Variants in MANEA observed in about 807,000 individuals in gnomAD.
The protein encoded by MANEA is mannosidase endo-alpha.
A neutral mutation model predicts 36.8 loss-of-function variants in MANEA; 25 were observed. The observed-to-expected ratio is 0.68, with a 90% CI of 0.50 to 0.95. The LOEUF (loss-of-function observed/expected upper bound fraction) is 0.95, where lower values mean the gene tolerates loss of function less well. MANEA is among the 40% of genes least tolerant of loss of function. The pLI is 0.00. For missense variants in MANEA, 565 were observed against 558.8 expected, an observed-to-expected ratio of 1.01 and a Z score of -0.11; for synonymous variants, 198 against 188.5, an observed-to-expected ratio of 1.05 and a Z score of -0.41.
intron 3 of MANEA, among the ~76,000 whole-genome samples, chr6:95,597,115 A>G (rs1769496556): frequency 6.6e-6 from 1 of 152,014 alleles, no homozygotes; most frequent in Admixed American, 6.6e-5. Context: ...TATAGTAGTG[A>G]AGATTTATAT....
At chr6:95,592,717 T>C (rs1317370277) in intron 2 of MANEA, among the ~76,000 whole-genome samples, 1 of 152,178 alleles carries the variant, frequency 6.6e-6, no homozygotes, top group Non-Finnish European at 1.5e-5. Flanking sequence ...TTTTTAGGTG[T>C]TTTACTCTGC....
At position 95,608,657 on chromosome 6, in the gene MANEA, T is replaced by C. The variant is rs1445937545; in HGVS notation, c.*2252T>C. ...TATTAATATAGTTTTTTTCTCCCTT[T>C]TTAATAAAATAATTACAGTCATCCC... On this transcript the variant is annotated 3_prime_UTR_variant, in exon 5 of 5. Transcript: ENST00000358812. 1 of 151,824 alleles carries C rather than the reference T, an allele frequency of 6.6e-6. No homozygotes were observed. The highest frequency in any genetic ancestry group is 6.6e-5 in the Admixed American group (1 of 15,236). 9.4% of individuals were successfully genotyped at this position (151,824 alleles called of 1,614,324 possible). A position where few individuals can be genotyped will look rare whatever the true frequency, so the allele number is the denominator to read the frequency against.
chr6:95,607,876 ACATC>A lies in MANEA; in HGVS notation c.*1475_*1478del, dbSNP rs1261002418. 1.3e-5 allele frequency: 2 copies of A among 151,882 alleles called. No homozygotes were observed. The highest frequency in any genetic ancestry group is 3.9e-4 in the East Asian group (2 of 5,178). 9.4% of individuals were successfully genotyped at this position (151,882 alleles called of 1,614,324 possible). A position where few individuals can be genotyped will look rare whatever the true frequency, so the allele number is the denominator to read the frequency against. On this transcript the variant is annotated 3_prime_UTR_variant, in exon 5 of 5. Coordinates refer to ENST00000358812, the MANE Select transcript of MANEA (RefSeq NM_024641.4). ...GCCTATAAATCTTCAGAGTATAAAGACATCCATTCAGAAACAAAAATTAGCACTA... is the reference window on the plus strand; with the variant it reads ...GCCTATAAATCTTCAGAGTATAAAGACATTCAGAAACAAAAATTAGCACTA...
intron 3 of MANEA, among the ~76,000 whole-genome samples, chr6:95,598,036 A>G (rs1769512585): frequency 8.4e-6 from 1 of 119,526 alleles, no homozygotes; most frequent in Non-Finnish European, 1.8e-5. Context: ...ATAGGAAAAT[A>G]CTAAAATTAA....
chr6:95,594,149 A>AG (rs1393635105), intron 2 of MANEA, among the ~76,000 whole-genome samples: 2 of 152,046 alleles, frequency 1.3e-5, no homozygotes, highest in Non-Finnish European at 2.9e-5. Flanking sequence ...GAAAAATGTG[A>AG]GGGAAAAAAC....
chr6:95,582,099 G>A (rs1769193679), intron 1 of MANEA, among the ~76,000 whole-genome samples: 1 of 87,454 alleles, frequency 1.1e-5, no homozygotes, highest in Non-Finnish European at 2.3e-5. Context: ...AAAGGGAAAT[G>A]TTTGTTGTGA....
At chr6:95,589,551 A>G (rs568713750) in intron 2 of MANEA, among the ~76,000 whole-genome samples, 1 of 152,146 alleles carries the variant, frequency 6.6e-6, no homozygotes, top group African/African-American at 2.4e-5. Context: ...TTATGTTTAA[A>G]ATCCAATTAT....
intron 2 of MANEA, among the ~76,000 whole-genome samples, chr6:95,594,692 C>T (rs1769453232): frequency 6.6e-6 from 1 of 152,252 alleles, no homozygotes; most frequent in Non-Finnish European, 1.5e-5. Flanking sequence ...TGCCTTCCTC[C>T]AGAAAGGATT....
chr6:95,588,529 T>G (rs1254531237), intron 2 of MANEA, among the ~76,000 whole-genome samples: 2 of 152,134 alleles, frequency 1.3e-5, no homozygotes, highest in Non-Finnish European at 2.9e-5. Context: ...TATGTATGTG[T>G]GTGTGTCTGT....
At position 95,606,560 on chromosome 6, in the gene MANEA, G is replaced by A; in HGVS notation, c.*155G>A. 2.6e-6 allele frequency: 1 copy of A among 384,908 alleles called. No homozygotes were observed. The allele number at this position is 384,908 out of a possible 1,614,324, so 23.8% of individuals were successfully genotyped here. A position where few individuals can be genotyped will look rare whatever the true frequency, so the allele number is the denominator to read the frequency against. ...ATTCTTTACAGATAATATTATACTT[G>A]TTACCCTTCACAATACCACATGAGA... On this transcript the variant is annotated 3_prime_UTR_variant, in exon 5 of 5. Coordinates refer to ENST00000358812, the MANE Select transcript of MANEA (RefSeq NM_024641.4).
chr6:95,587,006 T>TATAC (rs57145057), intron 2 of MANEA, 23 bp downstream of exon 2: 2 of 1,261,730 alleles, frequency 1.6e-6, no homozygotes, highest in African/African-American at 4.9e-5. Context: ...TATATATATA[T>TATAC]GTGTGTTTGT....
chr6:95,603,917 T>C (rs1255852141), intron 3 of MANEA, among the ~76,000 whole-genome samples: 1 of 152,114 alleles, frequency 6.6e-6, no homozygotes. Flanking sequence ...TAGCCATAAT[T>C]AGTTTGTCTT....
intron 2 of MANEA, among the ~76,000 whole-genome samples, chr6:95,596,232 C>G (rs904810045): frequency 2.0e-5 from 3 of 151,952 alleles, no homozygotes; most frequent in African/African-American, 7.2e-5. Context: ...GTTTATAGAG[C>G]TGGTAAAACT....
At chr6:95,601,652 C>G (rs145225555) in intron 3 of MANEA, among the ~76,000 whole-genome samples, 1 of 144,298 alleles carries the variant, frequency 6.9e-6, no homozygotes, top group Non-Finnish European at 1.5e-5. Context: ...ATGGCATTAT[C>G]TAATCAAAAC....
chr6:95,602,509 T>C (rs1305489930), intron 3 of MANEA, among the ~76,000 whole-genome samples: 1 of 152,142 alleles, frequency 6.6e-6, no homozygotes, highest in African/African-American at 2.4e-5. Flanking sequence ...AATTTATTTA[T>C]TAAAGTTATT....
intron 1 of MANEA, among the ~76,000 whole-genome samples, chr6:95,580,125 T>C (rs978504592): frequency 6.6e-6 from 1 of 152,148 alleles, no homozygotes; most frequent in Non-Finnish European, 1.5e-5. Context: ...TTATTGGATC[T>C]TTACGATTCT....
intron 1 of MANEA, among the ~76,000 whole-genome samples, chr6:95,584,983 T>G (rs1291800791): frequency 6.6e-6 from 1 of 152,210 alleles, no homozygotes; most frequent in Non-Finnish European, 1.5e-5. Context: ...TTTAACTTAA[T>G]TCTCTATAAT....
At chr6:95,597,604 AGTACCATGGAAT>A (rs1292105932) in intron 3 of MANEA, among the ~76,000 whole-genome samples, 1 of 152,080 alleles carries the variant, frequency 6.6e-6, no homozygotes, top group Admixed American at 6.6e-5. Flanking sequence ...GACCACATTC[AGTACCATGGAAT>A]GTTAATAATT....
At chr6:95,588,697 G>C (rs935361650) in intron 2 of MANEA, among the ~76,000 whole-genome samples, 1 of 151,754 alleles carries the variant, frequency 6.6e-6, no homozygotes, top group African/African-American at 2.4e-5. Context: ...GTTCTTTAAA[G>C]TTTTAATTTT....
Sources: allele counts gnomAD v4.1 joint callset (sites outside exome capture counted in the v4.1 genomes callset), GRCh38; gene constraint gnomAD v4.1.1; transcripts MANE v1.5; gene names NCBI Gene and HGNC (gene_info 2026-07-23, HGNC 2026-07-21).